The following PDE4D variants were observed in gnomAD, a reference collection of about 807,000 sequenced individuals.
The protein encoded by PDE4D is phosphodiesterase 4D, also known as 3',5'-cyclic-AMP phosphodiesterase 4D.
Under a neutral mutation model 87.4 loss-of-function variants are expected in PDE4D, and 24 were observed. The ratio of observed to expected loss-of-function variants is 0.27; its 90% confidence interval spans 0.20 to 0.39. The LOEUF (loss-of-function observed/expected upper bound fraction) is 0.39, where lower values mean the gene tolerates loss of function less well. PDE4D is among the 10% of genes least tolerant of loss of function. The pLI is 1.00. For missense variants in PDE4D, 714 were observed against 1,041.0 expected (o/e 0.69, Z 4.32); for synonymous variants, 384 against 383.2 (o/e 1.00, Z -0.02).
rs552820403 is a variant in PDE4D at position 60,138,264 on chromosome 5, T to A, written c.42+47293A>T. 2.0e-5 allele frequency among the ~76,000 whole-genome samples: 3 copies of A among 152,146 alleles called. No homozygotes were observed. The East Asian group carries it at 5.8e-4, about 29-fold the overall frequency. On this transcript the variant is annotated intron_variant, in intron 2 of 16. Coordinates refer to the PDE4D transcript ENST00000502484. Reference sequence around the variant, plus strand: ...CTTTTTGCTTAGCATTTCTTTTAACTTTAAATATTTTTCAGGAGTTGATCA... The same window carrying A: ...CTTTTTGCTTAGCATTTCTTTTAACATTAAATATTTTTCAGGAGTTGATCA...
intron 2 of PDE4D, among the ~76,000 whole-genome samples, chr5:60,020,186 C>G (rs1465124961): frequency 6.6e-6 from 1 of 152,144 alleles, no homozygotes; most frequent in Non-Finnish European, 1.5e-5. Context: ...CACAATCTAT[C>G]ACTTAAGTTC....
intron 1 of PDE4D, chr5:59,430,362 T>C (rs1227486006): frequency 1.2e-5 from 15 of 1,231,322 alleles, no homozygotes; most frequent in Admixed American, 8.4e-5. Flanking sequence ...CATAAGCGCT[T>C]CGGAATCTAG....
chr5:59,039,335 T>A, intron 5 of PDE4D: 1 of 1,035,772 alleles, frequency 9.7e-7, no homozygotes, highest in Non-Finnish European at 1.2e-6. Flanking sequence ...CTCTAGCGGA[T>A]GGCGAGGGGG....
chr5:59,753,399 A>G (rs1760768963), intron 1 of PDE4D, among the ~76,000 whole-genome samples: 1 of 152,202 alleles, frequency 6.6e-6, no homozygotes, highest in Non-Finnish European at 1.5e-5. Flanking sequence ...TAATGGCCAG[A>G]TAAACAGAAG....
Position 58,972,465 on chromosome 5 carries a change from G to T in PDE4D, c.*2199C>A, listed in dbSNP as rs1742782872. 6.6e-6 allele frequency: 1 copy of T among 152,342 alleles called. No homozygotes were observed. Among genetic ancestry groups the T allele is most frequent in the African/African-American group, 2.4e-5 (1 of 41,396 alleles). The allele number at this position is 152,342 out of a possible 1,614,324, so 9.4% of individuals were successfully genotyped here. A position where few individuals can be genotyped will look rare whatever the true frequency, so the allele number is the denominator to read the frequency against. ...ATCTAAGCATCAGCTAGATCTCAGG[G>T]GACTGAAATGGGGACTCTCTTCAGC... On this transcript the variant is annotated 3_prime_UTR_variant, in exon 15 of 15. Transcript: ENST00000340635.
chr5:59,597,817 G>A (rs1320128924), intron 1 of PDE4D, among the ~76,000 whole-genome samples: 2 of 152,102 alleles, frequency 1.3e-5, no homozygotes, highest in Non-Finnish European at 2.9e-5. Context: ...TTAAATACTA[G>A]TTGCCCATTG....
intron 1 of PDE4D, among the ~76,000 whole-genome samples, chr5:59,521,970 T>C (rs1419768684): frequency 6.6e-6 from 1 of 151,870 alleles, no homozygotes; most frequent in African/African-American, 2.4e-5. Flanking sequence ...AATGAAAGGG[T>C]TTTTACACTA....
chr5:60,131,325 G>A (rs1779557103), intron 2 of PDE4D, among the ~76,000 whole-genome samples: 1 of 152,136 alleles, frequency 6.6e-6, no homozygotes, highest in African/African-American at 2.4e-5. Context: ...CATTGTGTTA[G>A]ACCCACAAAT....
chr5:60,237,886 A>G (rs1746607620), intron 1 of PDE4D, among the ~76,000 whole-genome samples: 1 of 151,858 alleles, frequency 6.6e-6, no homozygotes, highest in Admixed American at 6.6e-5. Context: ...TGAATCTTTA[A>G]TTATTATCAA....
chr5:60,445,237 T>C (rs986191502), intron 1 of PDE4D, among the ~76,000 whole-genome samples: 1 of 152,110 alleles, frequency 6.6e-6, no homozygotes, highest in African/African-American at 2.4e-5. Flanking sequence ...TAAGAATGAT[T>C]CAAGCTATCA....
At chr5:58,989,651 A>C in intron 10 of PDE4D, 104 bp downstream of exon 10, 2 of 651,430 alleles carry the variant, frequency 3.1e-6, no homozygotes, top group Non-Finnish European at 5.2e-6. Flanking sequence ...TTATACTTCC[A>C]ATGAATCCAA....
At chr5:60,179,330 C>G (rs1299878424) in intron 2 of PDE4D, among the ~76,000 whole-genome samples, 1 of 151,974 alleles carries the variant, frequency 6.6e-6, no homozygotes, top group African/African-American at 2.4e-5. Context: ...TGACATTTTT[C>G]AACAATAAAA....
At chr5:59,177,037 A>G (rs1784012330) in intron 5 of PDE4D, among the ~76,000 whole-genome samples, 1 of 152,066 alleles carries the variant, frequency 6.6e-6, no homozygotes, top group Non-Finnish European at 1.5e-5. Context: ...TCTTTGTCCT[A>G]TTCTTTCCAT....
intron 1 of PDE4D, among the ~76,000 whole-genome samples, chr5:59,799,354 G>A (rs1581164352): frequency 6.6e-6 from 1 of 152,206 alleles, no homozygotes; most frequent in East Asian, 1.9e-4. Context: ...TGAAGAAAGT[G>A]AAACAAACAG....
At chr5:60,250,966 T>C (rs1748372596) in intron 1 of PDE4D, among the ~76,000 whole-genome samples, 1 of 151,954 alleles carries the variant, frequency 6.6e-6, no homozygotes. Context: ...TGATACTGAC[T>C]CTATGTAGGC....
chr5:60,274,277 C>T (rs1006213575), intron 1 of PDE4D, among the ~76,000 whole-genome samples: 10 of 152,120 alleles, frequency 6.6e-5, no homozygotes, highest in African/African-American at 2.2e-4. Flanking sequence ...AACTAAGGAG[C>T]CACTTAAAAT....
At chr5:60,337,388 T>TACACACAC (rs370108536) in intron 1 of PDE4D, among the ~76,000 whole-genome samples, 170 of 89,438 alleles carry the variant, frequency 1.9e-3, no homozygotes, top group East Asian at 4.2e-3. Context: ...TATATATATA[T>TACACACAC]ACACACACAC....
At position 60,398,422 on chromosome 5, in the gene PDE4D, T is replaced by C. The variant is rs186136326; in HGVS notation, c.-90+89520A>G. ...GTTCATTTCCAGATTAGGGTTGACATTGATGGACACTGCCTGAGTGGCTGG... is the reference window on the plus strand; with the variant it reads ...GTTCATTTCCAGATTAGGGTTGACACTGATGGACACTGCCTGAGTGGCTGG... On this transcript the variant is annotated intron_variant, in intron 1 of 16. Coordinates refer to the PDE4D transcript ENST00000502484. Among the ~76,000 whole-genome samples, 74 of 152,346 alleles carry C rather than the reference T, an allele frequency of 4.9e-4. 1 individual carries two copies. The highest frequency in any genetic ancestry group is 1.7e-3 in the African/African-American group (70 of 41,586).
intron 1 of PDE4D, among the ~76,000 whole-genome samples, chr5:59,536,499 A>G (rs983863238): frequency 1.1e-5 from 1 of 93,672 alleles, no homozygotes; most frequent in African/African-American, 4.1e-5. Flanking sequence ...AGCAAGACTC[A>G]GCCTCAAAAA....
Sources: gnomAD v4.1 joint callset for allele counts (sites outside exome capture counted in the v4.1 genomes callset) on GRCh38, gnomAD v4.1.1 for gene constraint, MANE v1.5 for transcripts, NCBI Gene and HGNC (gene_info 2026-07-23, HGNC 2026-07-21) for gene names.